PRKRIP1: variants seen among roughly 807,000 people sequenced by gnomAD.
The protein encoded by PRKRIP1 is PRKR-interacting protein 1.
PRKRIP1 carries 29 observed loss-of-function variants against 29.3 expected under a neutral mutation model. That is an observed-to-expected ratio of 0.99 (90% CI 0.74 to 1.35). The LOEUF is 1.35. PRKRIP1 is among the 40% of genes most tolerant of loss of function. PRKRIP1 has a pLI of 0.00. For synonymous variants in PRKRIP1, 90 were observed against 85.1 expected, an observed-to-expected ratio of 1.06 and a Z score of -0.32; for missense variants, 247 against 236.8, an observed-to-expected ratio of 1.04 and a Z score of -0.28.
chr7:102,416,886 C>G (rs958081235), intron 5 of PRKRIP1, among the ~76,000 whole-genome samples: 1 of 151,984 alleles, frequency 6.6e-6, no homozygotes, highest in Non-Finnish European at 1.5e-5. Context: ...GATGGAGTCT[C>G]GCTTTGTCGC....
intron 5 of PRKRIP1, among the ~76,000 whole-genome samples, chr7:102,422,603 A>T (rs1796724288): frequency 6.6e-6 from 1 of 151,752 alleles, no homozygotes; most frequent in Non-Finnish European, 1.5e-5. Flanking sequence ...CGGCTGTTGA[A>T]AGTGCTACGA....
At chr7:102,424,935 C>A in intron 5 of PRKRIP1, 79 bp from the exon 6 acceptor site, 1 of 1,444,204 alleles carries the variant, frequency 6.9e-7, no homozygotes. Flanking sequence ...TTTGACTTCC[C>A]ATCAGCTCTC....
intron 4 of PRKRIP1, among the ~76,000 whole-genome samples, chr7:102,405,294 A>G (rs1416370082): frequency 6.6e-6 from 1 of 152,190 alleles, no homozygotes; most frequent in Non-Finnish European, 1.5e-5. Context: ...ATTACGGTTT[A>G]TGACTCCCTC....
intron 4 of PRKRIP1, among the ~76,000 whole-genome samples, chr7:102,407,118 G>A (rs1430504269): frequency 6.6e-6 from 1 of 151,960 alleles, no homozygotes; most frequent in Non-Finnish European, 1.5e-5. Flanking sequence ...AGGAGGCCGA[G>A]GCAGGAGAAT....
chr7:102,401,950 ATTG>A (rs1563613143), intron 3 of PRKRIP1, among the ~76,000 whole-genome samples: 4 of 152,152 alleles, frequency 2.6e-5, no homozygotes, highest in Non-Finnish European at 4.4e-5. Flanking sequence ...GAATGGGGTC[ATTG>A]TTGTGCTGGC....
chr7:102,418,366 GAAATGGTATTA>G (rs1172593022), intron 5 of PRKRIP1, among the ~76,000 whole-genome samples: 4 of 151,980 alleles, frequency 2.6e-5, no homozygotes, highest in African/African-American at 7.3e-5. Context: ...TGCTTTTAGA[GAAATGGTATTA>G]AAATGGTATT....
At chr7:102,419,425 G>A (rs546295212) in intron 5 of PRKRIP1, among the ~76,000 whole-genome samples, 1 of 152,148 alleles carries the variant, frequency 6.6e-6, no homozygotes, top group Admixed American at 6.5e-5. Context: ...AAAAAAAATA[G>A]CATAATTAAG....
intron 3 of PRKRIP1, among the ~76,000 whole-genome samples, chr7:102,401,925 C>T (rs549567120): frequency 3.2e-4 from 48 of 152,168 alleles, no homozygotes; most frequent in Admixed American, 3.9e-4. Flanking sequence ...GAAAAAATGT[C>T]CTGCTCTGGA....
intron 3 of PRKRIP1, among the ~76,000 whole-genome samples, chr7:102,404,030 A>G (rs1414691980): frequency 3.3e-5 from 5 of 152,178 alleles, no homozygotes; most frequent in Admixed American, 2.6e-4. Flanking sequence ...GCCAGATGTA[A>G]TGGCATGCAC....
chr7:102,417,017 G>A (rs1046306166), intron 5 of PRKRIP1, among the ~76,000 whole-genome samples: 6 of 151,924 alleles, frequency 3.9e-5, no homozygotes, highest in African/African-American at 1.5e-4. Context: ...CACCACTCCC[G>A]GCTAATTTTT....
At chr7:102,397,798 C>T in intron 2 of PRKRIP1, 100 bp downstream of exon 2, 1 of 1,122,056 alleles carries the variant, frequency 8.9e-7, no homozygotes, top group South Asian at 1.4e-5. Flanking sequence ...CTAATCCCAG[C>T]ACTTTGGGAG....
chr7:102,401,490 T>G (rs903118172), intron 3 of PRKRIP1, among the ~76,000 whole-genome samples: 2 of 152,136 alleles, frequency 1.3e-5, no homozygotes, highest in Non-Finnish European at 2.9e-5. Context: ...TCCCAGCACT[T>G]TAGGAGGCCA....
intron 5 of PRKRIP1, among the ~76,000 whole-genome samples, chr7:102,415,322 C>G (rs529249231): frequency 1.1e-3 from 163 of 152,300 alleles, no homozygotes; most frequent in Non-Finnish European, 1.0e-3. Flanking sequence ...CTGCAACCTC[C>G]GCCTCCCAGG....
rs893253733 is a variant in PRKRIP1 at position 102,406,044 on chromosome 7, G to A, written c.392+1361G>A. Among the ~76,000 whole-genome samples the A allele has an allele frequency of 3.3e-5, 5 of 152,134 alleles. 1 individual carries two copies. The highest frequency in any genetic ancestry group is 2.0e-4 in the Admixed American group (3 of 15,256). ...AATATGGTGGATGAGGCAACACATC[G>A]CAGCCCAATTTGTTCAACCTTTGAA... On this transcript the variant is annotated intron_variant, in intron 4 of 5. Transcript: ENST00000397912.
intron 5 of PRKRIP1, among the ~76,000 whole-genome samples, chr7:102,422,627 C>T (rs1554573891): frequency 1.3e-5 from 2 of 152,156 alleles, no homozygotes; most frequent in Admixed American, 6.5e-5. Flanking sequence ...CAGGCGTGAG[C>T]CACCACGCCC....
At chr7:102,421,567 G>GGCGA in intron 5 of PRKRIP1, among the ~76,000 whole-genome samples, 1 of 152,142 alleles carries the variant, frequency 6.6e-6, no homozygotes, top group Non-Finnish European at 1.5e-5. Context: ...GGGAGGCCAA[G>GGCGA]GTGGGCAGAT....
In PRKRIP1 at chr7:102,425,237, C is replaced by T. The variant is rs539623076; in HGVS notation, c.*126C>T. The T allele has an allele frequency of 7.9e-6, 12 of 1,515,358 alleles. No homozygotes were observed. The African/African-American group carries it at 1.7e-4, about 21-fold the overall frequency. 93.9% of individuals were successfully genotyped at this position (1,515,358 alleles called of 1,614,324 possible). A position where few individuals can be genotyped will look rare whatever the true frequency, so the allele number is the denominator to read the frequency against. Reference sequence around the variant, plus strand: ...CGCTGGATGGAGAGCAAAGGAGACCCCTCCCGAGCCGCTCACAGTCCTGTA... The same window carrying T: ...CGCTGGATGGAGAGCAAAGGAGACCTCTCCCGAGCCGCTCACAGTCCTGTA... On this transcript the variant is annotated 3_prime_UTR_variant, in exon 6 of 6. Coordinates refer to ENST00000397912, the MANE Select transcript of PRKRIP1 (RefSeq NM_024653.4).
At chr7:102,423,591 A>G (rs922771544) in intron 5 of PRKRIP1, among the ~76,000 whole-genome samples, 123 of 152,280 alleles carry the variant, frequency 8.1e-4, no homozygotes, top group African/African-American at 2.9e-3. Context: ...CTTACCTCAT[A>G]GACTATTGTA....
chr7:102,413,166 G>A (rs1476345294), intron 5 of PRKRIP1, among the ~76,000 whole-genome samples: 2 of 152,106 alleles, frequency 1.3e-5, no homozygotes, highest in African/African-American at 2.4e-5. Flanking sequence ...CTACCCTCCC[G>A]AGGCCAGGAG....
Sources: allele counts gnomAD v4.1 joint callset (sites outside exome capture counted in the v4.1 genomes callset), GRCh38; gene constraint gnomAD v4.1.1; transcripts MANE v1.5; gene names NCBI Gene and HGNC (gene_info 2026-07-23, HGNC 2026-07-21).